ADAMTS16: variants seen among roughly 807,000 people sequenced by gnomAD.
The protein encoded by ADAMTS16 is A disintegrin and metalloproteinase with thrombospondin motifs 16.
In ADAMTS16, 94 loss-of-function variants were observed where a neutral mutation model predicts 145.8. That is an observed-to-expected ratio of 0.64 (90% CI 0.55 to 0.77). The LOEUF (loss-of-function observed/expected upper bound fraction) is 0.77. Ranked by LOEUF, ADAMTS16 falls within the 30% of genes least tolerant of loss-of-function variation. The probability of loss-of-function intolerance (pLI) is 0.00; values close to 1 mark genes in which losing one functional copy is unlikely to be tolerated. For synonymous variants in ADAMTS16, 659 were observed against 604.3 expected (o/e 1.09, Z -1.33); for missense variants, 1,585 against 1,591.5 (o/e 1.00, Z 0.07).
intron 8 of ADAMTS16, among the ~76,000 whole-genome samples, chr5:5,193,893 G>A (rs1316435214): frequency 1.3e-5 from 2 of 152,076 alleles, no homozygotes; most frequent in Non-Finnish European, 2.9e-5. Flanking sequence ...TTGAGCCCAG[G>A]AGTTCAAGAC....
intron 12 of ADAMTS16, among the ~76,000 whole-genome samples, chr5:5,233,204 AT>A (rs113508536): frequency 0.29 from 43,706 of 152,034 alleles, 6,556 homozygotes; most frequent in Middle Eastern, 0.35. Context: ...AAAAAAGCAA[AT>A]TTGGGGGTTT....
chr5:5,266,889 T>C lies in ADAMTS16; in HGVS notation c.2789+4106T>C, dbSNP rs1037603080. Among the ~76,000 whole-genome samples, 10 of 152,306 alleles carry C rather than the reference T, an allele frequency of 6.6e-5. 1 individual carries two copies. The South Asian group carries it at 8.3e-4, about 13-fold the overall frequency. ...CCAAGCGAGACCATAATACAATTAT[T>C]GAATTTCAGTAATGGAAATCTAAGC... On this transcript the variant is annotated intron_variant, in intron 18 of 22. Coordinates refer to ENST00000274181, the MANE Select transcript of ADAMTS16 (RefSeq NM_139056.4).
At chr5:5,257,860 T>C (rs1451192831) in intron 17 of ADAMTS16, among the ~76,000 whole-genome samples, 2 of 152,172 alleles carry the variant, frequency 1.3e-5, no homozygotes, top group Non-Finnish European at 2.9e-5. Context: ...GTCTCATGGG[T>C]ACCCACAACT....
At chr5:5,145,771 G>A (rs1247476798) in intron 2 of ADAMTS16, among the ~76,000 whole-genome samples, 1 of 152,138 alleles carries the variant, frequency 6.6e-6, no homozygotes, top group African/African-American at 2.4e-5. Context: ...AAGCCATCCT[G>A]CTTTCTGTCA....
rs189170108 is a variant in ADAMTS16, at chr5:5,284,807, G to C, written c.2790-18461G>C. ...CACATATGTGTTTTTGTAGGGAGGGGTTTGTAATTTTTCTGTAGGTTCCAT... is the reference window on the plus strand; with the variant it reads ...CACATATGTGTTTTTGTAGGGAGGGCTTTGTAATTTTTCTGTAGGTTCCAT... On this transcript the variant is annotated intron_variant, in intron 18 of 22. Transcript: ENST00000274181. 1.2e-3 allele frequency among the ~76,000 whole-genome samples: 184 copies of C among 152,216 alleles called. 1 individual carries two copies. The highest frequency in any genetic ancestry group is 4.1e-3 in the African/African-American group (169 of 41,540).
chr5:5,243,014 A>G (rs1452550097), intron 17 of ADAMTS16, among the ~76,000 whole-genome samples: 1 of 152,252 alleles, frequency 6.6e-6, no homozygotes, highest in Non-Finnish European at 1.5e-5. Context: ...TAAGTAAAAG[A>G]AAATGGTTCA....
intron 5 of ADAMTS16, among the ~76,000 whole-genome samples, chr5:5,187,248 C>G (rs1735528489): frequency 6.6e-6 from 1 of 152,208 alleles, no homozygotes; most frequent in African/African-American, 2.4e-5. Flanking sequence ...ACTGTGATCA[C>G]TCATTTCCAT....
At chr5:5,183,938 G>A (rs181458395) in intron 4 of ADAMTS16, among the ~76,000 whole-genome samples, 4 of 152,308 alleles carry the variant, frequency 2.6e-5, no homozygotes, top group African/African-American at 4.8e-5. Context: ...TAAAACTAGC[G>A]AAAGAAAGCT....
At chr5:5,257,867 A>G (rs919190861) in intron 17 of ADAMTS16, among the ~76,000 whole-genome samples, 2 of 152,146 alleles carry the variant, frequency 1.3e-5, no homozygotes, top group African/African-American at 4.8e-5. Flanking sequence ...GGGTACCCAC[A>G]ACTTGCCTAC....
At position 5,235,145 on chromosome 5, in the gene ADAMTS16, G is replaced by A; in HGVS notation, c.1982G>A (p.Arg661Lys). The change falls in exon 13 of 23, where the codon AGA becomes AAA. Residue 661 changes from arginine (R) to lysine (K), a missense_variant. By Grantham distance (26) the Arg-to-Lys change is conservative. Transcript: ENST00000274181. ...GCCGAGCACAACAGCAGACGATTCAGAGGGCGGCACTACAAGTGGAAGCCT... is the reference window on the plus strand; with the variant it reads ...GCCGAGCACAACAGCAGACGATTCAAAGGGCGGCACTACAAGTGGAAGCCT... Reference protein sequence around the residue: ...QCAEHNSRRFRGRHYKWKPYT... With the variant: ...QCAEHNSRRFKGRHYKWKPYT... 6.3e-7 allele frequency: 1 copy of A among 1,593,654 alleles called. No homozygotes were observed. The highest frequency in any genetic ancestry group is 8.6e-7 in the Non-Finnish European group (1 of 1,163,424).
intron 2 of ADAMTS16, among the ~76,000 whole-genome samples, chr5:5,144,919 A>G (rs1734253753): frequency 6.6e-6 from 1 of 152,124 alleles, no homozygotes; most frequent in African/African-American, 2.4e-5. Context: ...CCAACTGTGG[A>G]AAGAGTGGGA....
At chr5:5,193,630 G>A (rs1485039009) in intron 8 of ADAMTS16, among the ~76,000 whole-genome samples, 1 of 152,216 alleles carries the variant, frequency 6.6e-6, no homozygotes, top group Admixed American at 6.5e-5. Flanking sequence ...AGAGGCATCC[G>A]ACACAAGGCC....
chr5:5,299,315 A>G (rs1241884311), intron 18 of ADAMTS16, among the ~76,000 whole-genome samples: 2 of 152,256 alleles, frequency 1.3e-5, no homozygotes, highest in Admixed American at 1.3e-4. Flanking sequence ...AGCCACAAGC[A>G]GAGCATGGCT....
rs924650323 is a variant in ADAMTS16 at position 5,319,889 on chromosome 5, T to C, written c.*751T>C. The stretch of plus-strand genomic sequence containing the variant: ...TTATGTTTTATCTTTCTCAGTTATT[T>C]GCAAGTGAGTGTCCTTTTAAAAACA... On this transcript the variant is annotated 3_prime_UTR_variant, in exon 23 of 23. Transcript: ENST00000274181. 3 of 455,806 alleles carry C rather than the reference T, an allele frequency of 6.6e-6. No homozygotes were observed. The highest frequency in any genetic ancestry group is 6.0e-5 in the African/African-American group (3 of 50,070). 28.2% of individuals were successfully genotyped at this position (455,806 alleles called of 1,614,324 possible).
chr5:5,237,484 G>A (rs2964433), intron 14 of ADAMTS16, among the ~76,000 whole-genome samples: 18,418 of 152,116 alleles, frequency 0.12, 1,211 homozygotes, highest in East Asian at 0.17. Context: ...TCATCAGAAC[G>A]CCCAGAGGGA....
intron 17 of ADAMTS16, among the ~76,000 whole-genome samples, chr5:5,255,361 T>C (rs997011744): frequency 6.6e-6 from 1 of 152,250 alleles, no homozygotes; most frequent in Non-Finnish European, 1.5e-5. Context: ...AGAGGATTTG[T>C]TGTTTACAAA....
intron 3 of ADAMTS16, among the ~76,000 whole-genome samples, chr5:5,181,389 G>C (rs575956759): frequency 1.3e-5 from 2 of 152,222 alleles, no homozygotes; most frequent in South Asian, 2.1e-4. Flanking sequence ...AATCGATTTT[G>C]TCTCTCTACG....
At chr5:5,216,791 A>G (rs1736453016) in intron 10 of ADAMTS16, among the ~76,000 whole-genome samples, 1 of 124,236 alleles carries the variant, frequency 8.0e-6, no homozygotes, top group Non-Finnish European at 1.6e-5. Context: ...AGAGTGTGAT[A>G]TTCCCCTTCC....
intron 4 of ADAMTS16, among the ~76,000 whole-genome samples, chr5:5,185,666 C>A (rs1212879416): frequency 2.0e-5 from 3 of 152,174 alleles, no homozygotes; most frequent in Non-Finnish European, 4.4e-5. Context: ...CCAGCCAGCT[C>A]GTGTTCTTGT....
Sources: allele counts gnomAD v4.1 joint callset (sites outside exome capture counted in the v4.1 genomes callset), GRCh38; gene constraint gnomAD v4.1.1; transcripts MANE v1.5; gene names NCBI Gene and HGNC (gene_info 2026-07-23, HGNC 2026-07-21).